SEPTIN4: variants seen among roughly 807,000 people sequenced by gnomAD.
The protein encoded by SEPTIN4 is septin-4.
SEPTIN4 carries 52 observed loss-of-function variants against 107.1 expected under a neutral mutation model. The observed-to-expected ratio is 0.49, with a 90% CI of 0.39 to 0.61. The LOEUF (loss-of-function observed/expected upper bound fraction) is 0.61, where lower values mean the gene tolerates loss of function less well. Ranked by LOEUF, SEPTIN4 falls within the 20% of genes least tolerant of loss-of-function variation. The probability of loss-of-function intolerance (pLI) is 0.00; values close to 1 mark genes in which losing one functional copy is unlikely to be tolerated. For missense variants in SEPTIN4, 1,048 were observed against 1,243.5 expected, an observed-to-expected ratio of 0.84 and a Z score of 2.36; for synonymous variants, 417 against 467.0, an observed-to-expected ratio of 0.89 and a Z score of 1.38.
chr17:58,529,329 C>G (rs1406826316), intron 3 of SEPTIN4: 1 of 1,498,258 alleles, frequency 6.7e-7, no homozygotes, highest in Non-Finnish European at 8.9e-7. Flanking sequence ...CCTTCTGTCT[C>G]TGGCAGGGGC....
intron 3 of SEPTIN4, 115 bp downstream of exon 3, chr17:58,540,551 A>G: frequency 1.2e-6 from 1 of 805,970 alleles, no homozygotes; most frequent in Admixed American, 4.3e-5. Flanking sequence ...CTGCCCAACC[A>G]TAGGGAGCAG....
At chr17:58,532,106 G>T (rs2043526567) in intron 3 of SEPTIN4, 3 of 1,063,636 alleles carry the variant, frequency 2.8e-6, no homozygotes, top group Non-Finnish European at 3.4e-6. Context: ...GGCGGCGGGG[G>T]CGGAGCGAGT....
chr17:58,528,061 C>T, intron 3 of SEPTIN4: 13 of 984,634 alleles, frequency 1.3e-5, no homozygotes, highest in Non-Finnish European at 1.4e-5. Flanking sequence ...GGGCTCAGCT[C>T]TGCCTCACAA....
At position 58,521,783 on chromosome 17, in the gene SEPTIN4, T is replaced by C; in HGVS notation, c.2422A>G (p.Lys808Glu). Residue 808 changes from lysine (K) to glutamate (E), a missense_variant, in exon 9 of 14, where the codon AAG (lysine) becomes GAG (glutamate). This residue lies in a region of SEPTIN4 where 261 missense variants were observed against 371.7 expected (regional missense o/e 0.70). Transcript: ENST00000672673. This position sits in a 1 kb window ranked among gnomAD's most constrained non-coding sequence, Gnocchi z 6.4. ...TCGGGAGGTGTCAGTGTGTCTGCCTTAGCCAGGATAGGCACGATGTTGACC... is the reference window on the plus strand; with the variant it reads ...TCGGGAGGTGTCAGTGTGTCTGCCTCAGCCAGGATAGGCACGATGTTGACC... ...QRVNIVPILAKADTLTPPEVD... is the reference protein window; with the variant it reads ...QRVNIVPILAEADTLTPPEVD... The C allele has an allele frequency of 1.2e-6, 2 of 1,614,234 alleles. No individual in the cohort carries two copies. The highest frequency in any genetic ancestry group is 1.1e-5 in the South Asian group (1 of 91,088).
chr17:58,543,826 A>G lies in SEPTIN4; in HGVS notation c.361T>C (p.Trp121Arg), dbSNP rs753313258. 4 of 1,613,916 alleles carry G rather than the reference A, an allele frequency of 2.5e-6. No individual in the cohort carries two copies. The highest frequency in any genetic ancestry group is 3.4e-6 in the Non-Finnish European group (4 of 1,179,994). The change falls in exon 1 of 14, where the codon TGG becomes CGG. Residue 121 changes from tryptophan to arginine, a missense_variant. Physicochemically the swap from Trp to Arg is moderately radical, Grantham distance 101. Around this residue, in one of 2 missense-constraint regions of SEPTIN4, gnomAD observed 787 missense variants for 871.8 expected, o/e 0.90. Transcript: ENST00000672673. The stretch of plus-strand genomic sequence containing the variant: ...TCCTCTCTGGGTGGACTAACTTTCC[A>G]TTGTCTGCTTGAAGCATGGGAAGCC... ...TLASHASSRQ[W>R]KVSPPREEAA...
intron 4 of SEPTIN4, 53 bp from the exon 5 acceptor site, chr17:58,526,366 G>A (rs1426248520): frequency 2.8e-6 from 4 of 1,451,240 alleles, no homozygotes; most frequent in South Asian, 1.5e-5. Context: ...AGGGGCCCCG[G>A]CACCCAGCGC....
intron 3 of SEPTIN4, chr17:58,531,980 G>A: frequency 8.7e-7 from 1 of 1,146,478 alleles, no homozygotes; most frequent in Non-Finnish European, 1.1e-6. Context: ...AGCCCGGGCG[G>A]GGCCGGCTCC....
chr17:58,525,253 A>G (rs747451134), intron 6 of SEPTIN4, 52 bp from the exon 7 acceptor site: 2 of 1,601,784 alleles, frequency 1.2e-6, no homozygotes, highest in South Asian at 2.2e-5. Context: ...CTGCCCAGTC[A>G]GGATGAACCG....
chr17:58,524,928 G>A (rs926572540), intron 7 of SEPTIN4, 150 bp downstream of exon 7: 4 of 890,604 alleles, frequency 4.5e-6, no homozygotes, highest in Admixed American at 2.3e-5. Flanking sequence ...TTATAAAGGA[G>A]GAGATGGCTG....
intron 3 of SEPTIN4, 96 bp from the exon 4 acceptor site, chr17:58,527,074 G>GAGGGAA (rs1386061070): frequency 6.3e-7 from 1 of 1,590,306 alleles, no homozygotes; most frequent in Non-Finnish European, 8.6e-7. Context: ...GAGAAGGCAA[G>GAGGGAA]AGGGAAAGGG....
Position 58,544,269 on chromosome 17 carries a change from AC to A in SEPTIN4, c.-84del. On this transcript the variant is annotated 5_prime_UTR_variant, in exon 1 of 14. Coordinates refer to ENST00000672673, the MANE Select transcript of SEPTIN4 (RefSeq NM_001368771.2). Reference sequence around the variant, plus strand: ...GGATCCTAATGATGCCTGAATATTTACCCTGTTTTAAAGCTGCTGTTTCTTG... The same window carrying A: ...GGATCCTAATGATGCCTGAATATTTACCTGTTTTAAAGCTGCTGTTTCTTG... 6.7e-7 allele frequency: 1 copy of A among 1,489,528 alleles called. No individual in the cohort carries two copies. Among genetic ancestry groups the A allele is most frequent in the Non-Finnish European group, 9.0e-7 (1 of 1,116,964 alleles). 92.3% of individuals were successfully genotyped at this position (1,489,528 alleles called of 1,614,324 possible). A position where few individuals can be genotyped will look rare whatever the true frequency, so the allele number is the denominator to read the frequency against.
chr17:58,523,894 A>G (rs902285234), intron 7 of SEPTIN4, among the ~76,000 whole-genome samples: 1 of 152,074 alleles, frequency 6.6e-6, no homozygotes, highest in Non-Finnish European at 1.5e-5. Flanking sequence ...GAGAGGTGGT[A>G]AGGGCTGGTA....
At chr17:58,527,232 C>T in intron 3 of SEPTIN4, 1 of 719,748 alleles carries the variant, frequency 1.4e-6, no homozygotes, top group Non-Finnish European at 2.5e-6. Context: ...ACCCCCAGAG[C>T]CCTGGCAACT....
chr17:58,532,174 G>C (rs1598308017), intron 3 of SEPTIN4: 1 of 925,462 alleles, frequency 1.1e-6, no homozygotes, highest in Admixed American at 5.5e-5. Context: ...GAAGTGGGTC[G>C]GGGTGCCCAG....
chr17:58,539,856 A>G (rs1598320076), intron 3 of SEPTIN4, among the ~76,000 whole-genome samples: 2 of 152,288 alleles, frequency 1.3e-5, no homozygotes, highest in South Asian at 2.1e-4. Flanking sequence ...AGCTCAGGGC[A>G]TAAGGTTGGA....
Position 58,526,833 on chromosome 17 carries a change from G to C in SEPTIN4, c.1760C>G (p.Pro587Arg), listed in dbSNP as rs748086487. The stretch of plus-strand genomic sequence containing the variant: ...CTCCAGGTCATCATCATAGAGGTCC[G>C]GGGCCTGGGGCCTTGGCTCCGGGAC... ...PQVPEPRPQA[P>R]DLYDDDLEFR... The change falls in exon 4 of 14, where the codon CCG becomes CGG. Residue 587 changes from proline to arginine, a missense_variant. By Grantham distance (103) the Pro-to-Arg change is moderately radical. Around this residue, in one of 2 missense-constraint regions of SEPTIN4, gnomAD observed 787 missense variants for 871.8 expected, o/e 0.90. Transcript: ENST00000672673. 2 of 1,613,574 alleles carry C rather than the reference G, an allele frequency of 1.2e-6. No homozygotes were observed. The highest frequency in any genetic ancestry group is 1.7e-6 in the Non-Finnish European group (2 of 1,179,886).
Position 58,521,230 on chromosome 17 carries a change from C to T in SEPTIN4, c.2668+24G>A. On this transcript the variant is annotated intron_variant, in intron 11 of 13. Transcript: ENST00000672673. This position sits in a 1 kb window ranked among gnomAD's most constrained non-coding sequence, Gnocchi z 6.4. ...GAGCCACTGAGGGCAAGGAGATACC[C>T]TGGTCACAGGCTCAGTGCTTTACCT... is the stretch of plus-strand genomic sequence containing the variant. 6.2e-7 allele frequency: 1 copy of T among 1,614,172 alleles called. No individual in the cohort carries two copies. The highest frequency in any genetic ancestry group is 8.5e-7 in the Non-Finnish European group (1 of 1,179,982).
chr17:58,527,017 C>G (rs553714916), intron 3 of SEPTIN4, 39 bp from the exon 4 acceptor site: 3 of 1,613,008 alleles, frequency 1.9e-6, no homozygotes, highest in Non-Finnish European at 2.5e-6. Flanking sequence ...TGGGTGGTGC[C>G]GGGAAGGGAG....
chr17:58,539,098 C>G (rs1231885309), intron 3 of SEPTIN4: 1 of 1,512,890 alleles, frequency 6.6e-7, no homozygotes, highest in Non-Finnish European at 8.8e-7. Context: ...TGGCCCATCT[C>G]CATGCCATCC....
Sources: gnomAD v4.1 joint callset for allele counts (sites outside exome capture counted in the v4.1 genomes callset) on GRCh38, gnomAD v4.1.1 for gene constraint, gnomAD v4.1.1 regional missense constraint, Gnocchi (gnomAD v3.1) non-coding constraint, MANE v1.5 for transcripts, NCBI Gene and HGNC (gene_info 2026-07-23, HGNC 2026-07-21) for gene names.